GPATCH1: variants seen among roughly 807,000 people sequenced by gnomAD.
The protein encoded by GPATCH1 is G patch domain-containing protein 1.
GPATCH1 carries 73 observed loss-of-function variants against 114.9 expected under a neutral mutation model. The observed-to-expected ratio is 0.64, with a 90% CI of 0.53 to 0.77. The LOEUF is 0.77. Ranked by LOEUF, GPATCH1 falls within the 30% of genes least tolerant of loss-of-function variation. GPATCH1 has a pLI of 0.00. For missense variants in GPATCH1, 1,058 were observed against 1,144.3 expected (o/e 0.92, Z 1.09); for synonymous variants, 391 against 428.4 (o/e 0.91, Z 1.08).
chr19:33,123,400 C>CA (rs879665171), intron 17 of GPATCH1, among the ~76,000 whole-genome samples: 139 of 125,738 alleles, frequency 1.1e-3, no homozygotes, highest in Middle Eastern at 9.2e-3. Flanking sequence ...AACTCTGTCT[C>CA]AAAAAAAAAA....
intron 9 of GPATCH1, among the ~76,000 whole-genome samples, chr19:33,102,226 C>G (rs780442590): frequency 6.7e-6 from 1 of 149,238 alleles, no homozygotes; most frequent in Admixed American, 6.7e-5. Flanking sequence ...CCCAGTTACT[C>G]GGGAGGCTGA....
At chr19:33,112,739 A>G in intron 13 of GPATCH1, 126 bp downstream of exon 13, 7 of 599,822 alleles carry the variant, frequency 1.2e-5, no homozygotes, top group Non-Finnish European at 1.6e-5. Context: ...CACTGGATAT[A>G]CAAATCTACA....
At chr19:33,114,972 T>G (rs1484315891) in intron 15 of GPATCH1, among the ~76,000 whole-genome samples, 1 of 151,652 alleles carries the variant, frequency 6.6e-6, no homozygotes, top group Non-Finnish European at 1.5e-5. Flanking sequence ...CATGCCTGGC[T>G]AATTTTTGTA....
In GPATCH1 at chr19:33,117,810, T is replaced by G. The variant is rs1454160631; in HGVS notation, c.2197-15T>G. The G allele has an allele frequency of 6.3e-7, 1 of 1,594,458 alleles. No homozygotes were observed. Among genetic ancestry groups the G allele is most frequent in the African/African-American group, 1.3e-5 (1 of 74,550 alleles). On this transcript the variant is annotated splice_polypyrimidine_tract_variant and intron_variant, in intron 15 of 19. Coordinates refer to ENST00000170564, the MANE Select transcript of GPATCH1 (RefSeq NM_018025.3). ...TGCCTCTGTATCCCTGACTCTTATT[T>G]CACTGTCAATACAGACCGTCAACAA... is the stretch of plus-strand genomic sequence containing the variant.
chr19:33,130,071 T>G lies in GPATCH1; in HGVS notation c.2766-59T>G. The G allele has an allele frequency of 3.2e-6, 4 of 1,266,296 alleles. No individual in the cohort carries two copies. The South Asian group carries it at 4.9e-5, about 15-fold the overall frequency. The allele number at this position is 1,266,296 out of a possible 1,614,324, so 78.4% of individuals were successfully genotyped here. A position where few individuals can be genotyped will look rare whatever the true frequency, so the allele number is the denominator to read the frequency against. On this transcript the variant is annotated intron_variant, in intron 19 of 19. Transcript: ENST00000170564. ...CTGGCATTCTCAGCCTCCACGGAGC[T>G]GTTTGGTTTTTCACTTTAGCTAACT...
intron 7 of GPATCH1, among the ~76,000 whole-genome samples, chr19:33,097,174 C>T (rs371144003): frequency 4.0e-5 from 6 of 151,894 alleles, no homozygotes; most frequent in Non-Finnish European, 8.8e-5. Flanking sequence ...GAACTCCTGA[C>T]CTCAGGTGAT....
At chr19:33,089,712 C>A (rs1972573681) in intron 2 of GPATCH1, among the ~76,000 whole-genome samples, 1 of 150,204 alleles carries the variant, frequency 6.7e-6, no homozygotes, top group South Asian at 2.1e-4. Flanking sequence ...CCTCCGCCTC[C>A]TGGGTTCAAG....
In GPATCH1 at chr19:33,094,188, G is replaced by T; in HGVS notation, c.472G>T (p.Glu158Ter). The T allele has an allele frequency of 1.3e-6, 2 of 1,596,064 alleles. No individual in the cohort carries two copies. Among genetic ancestry groups the T allele is most frequent in the African/African-American group, 1.3e-5 (1 of 74,688 alleles). ...CTATCCTAGATTATCTGTTGGTTTC[G>T]AATTGCTAAGAAAAATGGGTTGGAA... is the stretch of plus-strand genomic sequence containing the variant. ...ITPAKLSVGF[E>*]LLRKMGWKEG... The change falls in exon 5 of 20, where the codon GAA becomes TAA. Residue 158 changes from glutamate to a stop codon, truncating the protein, a stop_gained. Transcript: ENST00000170564. LOFTEE classifies it high-confidence loss of function.
chr19:33,090,432 T>C (rs1286397170), intron 2 of GPATCH1, among the ~76,000 whole-genome samples: 2 of 152,136 alleles, frequency 1.3e-5, no homozygotes, highest in Non-Finnish European at 2.9e-5. Context: ...AATATGCCAG[T>C]GGAGGTTGCT....
At chr19:33,086,276 C>T (rs778969032) in intron 1 of GPATCH1, among the ~76,000 whole-genome samples, 1 of 152,046 alleles carries the variant, frequency 6.6e-6, no homozygotes, top group East Asian at 1.9e-4. Flanking sequence ...GTAATTTAGT[C>T]CTTTAGAGGG....
chr19:33,104,338 C>CAAAAAA (rs759908888), intron 9 of GPATCH1, among the ~76,000 whole-genome samples: 5 of 124,904 alleles, frequency 4.0e-5, no homozygotes, highest in Admixed American at 7.7e-5. Context: ...GACCCTGTCT[C>CAAAAAA]AAAAAAAAGA....
chr19:33,081,411 C>A, intron 1 of GPATCH1, 145 bp downstream of exon 1: 1 of 723,026 alleles, frequency 1.4e-6, no homozygotes, highest in Non-Finnish European at 2.3e-6. Context: ...GTTAGCCGCG[C>A]TCTCGGGGTG....
chr19:33,129,127 G>T (rs956761277), intron 19 of GPATCH1, among the ~76,000 whole-genome samples: 2 of 151,946 alleles, frequency 1.3e-5, no homozygotes, highest in African/African-American at 4.8e-5. Flanking sequence ...CGTGCCTGTA[G>T]TCCCAGCTAC....
In GPATCH1 at chr19:33,110,012, G is replaced by A; in HGVS notation, c.1581G>A (p.Gln527=). ...DEFLVHMKQG[Q]KDALERCLDP... The stretch of plus-strand genomic sequence containing the variant: ...TCTTAGTACACATGAAACAGGGTCA[G>A]AAAGGTGGGTGCTGGGCCTGGGTGT... The change falls in exon 11 of 20, where the codon CAG becomes CAA. Residue 527 remains glutamine (Q), a synonymous_variant. Coordinates refer to ENST00000170564, the MANE Select transcript of GPATCH1 (RefSeq NM_018025.3). The A allele has an allele frequency of 6.2e-7, 1 of 1,603,272 alleles. No individual in the cohort carries two copies. Among genetic ancestry groups the A allele is most frequent in the Non-Finnish European group, 8.5e-7 (1 of 1,173,412 alleles).
In GPATCH1 at chr19:33,125,169, G is replaced by A. The variant is rs751506061; in HGVS notation, c.2586G>A (p.Lys862=). ...EKHKKNKDKH[K]AKKEHRRKKE... The stretch of plus-strand genomic sequence containing the variant: ...ATAAAAAGAACAAAGACAAGCACAA[G>A]GCCAAGAAAGAGCACAGGCGGAAGA... The change falls in exon 18 of 20, where the codon AAG becomes AAA. Residue 862 remains lysine (K), a synonymous_variant. Coordinates refer to ENST00000170564, the MANE Select transcript of GPATCH1 (RefSeq NM_018025.3). 1.7e-5 allele frequency: 27 copies of A among 1,596,890 alleles called. No individual in the cohort carries two copies. Among genetic ancestry groups the A allele is most frequent in the Non-Finnish European group, 2.2e-5 (26 of 1,171,694 alleles).
At chr19:33,105,957 C>T (rs1249408252) in intron 9 of GPATCH1, among the ~76,000 whole-genome samples, 7 of 151,984 alleles carry the variant, frequency 4.6e-5, no homozygotes, top group Non-Finnish European at 8.8e-5. Flanking sequence ...ACGCGACTCT[C>T]CTGCCTCAGC....
chr19:33,087,573 AGAGGTATG>A (rs1599849393), intron 1 of GPATCH1, among the ~76,000 whole-genome samples: 2 of 152,242 alleles, frequency 1.3e-5, no homozygotes. Flanking sequence ...ACGTTCTAGA[AGAGGTATG>A]GAAGTGTATC....
chr19:33,113,803 C>G lies in GPATCH1; in HGVS notation c.1929C>G (p.Asp643Glu). The G allele has an allele frequency of 6.2e-7, 1 of 1,613,356 alleles. No individual in the cohort carries two copies. The highest frequency in any genetic ancestry group is 1.3e-5 in the African/African-American group (1 of 75,008). ...TTGGCTTACCAAGAGTGAAGCGTGACAAGTACTCAGTCTTCAACTTTCTGA... is the reference window on the plus strand; with the variant it reads ...TTGGCTTACCAAGAGTGAAGCGTGAGAAGTACTCAGTCTTCAACTTTCTGA... ...TLVGLPRVKRDKYSVFNFLTL... is the reference protein window; with the variant it reads ...TLVGLPRVKREKYSVFNFLTL... Residue 643 changes from aspartate to glutamate, a missense_variant, in exon 14 of 20, where the codon GAC becomes GAG. Coordinates refer to ENST00000170564, the MANE Select transcript of GPATCH1 (RefSeq NM_018025.3).
chr19:33,121,446 A>G (rs1411983514), intron 17 of GPATCH1, among the ~76,000 whole-genome samples: 1 of 150,996 alleles, frequency 6.6e-6, no homozygotes. Context: ...CACCCTCCCA[A>G]GTAGCTGGGA....
Sources: allele counts gnomAD v4.1 joint callset (sites outside exome capture counted in the v4.1 genomes callset), GRCh38; gene constraint gnomAD v4.1.1; transcripts MANE v1.5; gene names NCBI Gene and HGNC (gene_info 2026-07-23, HGNC 2026-07-21).